Variants in DNAH11 observed in about 807,000 individuals in gnomAD.
DNAH11 encodes axonemal beta dynein heavy chain 11.
Under a neutral mutation model 526.0 loss-of-function variants are expected in DNAH11, and 442 were observed. That is an observed-to-expected ratio of 0.84 (90% confidence interval 0.78 to 0.91). The LOEUF is 0.91. Among genes scored for constraint, DNAH11 ranks in the 40% least tolerant of loss-of-function variants. DNAH11 has a pLI of 0.00. For missense variants in DNAH11, 6,989 were observed against 5,448.7 expected, an observed-to-expected ratio of 1.28 and a Z score of -8.90; for synonymous variants, 2,461 against 1,935.9, an observed-to-expected ratio of 1.27 and a Z score of -7.12.
At chr7:21,544,509 A>G (rs543675959) in intron 1 of DNAH11, among the ~76,000 whole-genome samples, 31 of 152,340 alleles carry the variant, frequency 2.0e-4, no homozygotes, top group African/African-American at 7.2e-4. Flanking sequence ...TTAAATAGTT[A>G]TTATAATGTT....
intron 67 of DNAH11, among the ~76,000 whole-genome samples, chr7:21,853,447 G>A (rs1437409341): frequency 1.3e-5 from 2 of 152,060 alleles, no homozygotes; most frequent in Admixed American, 6.5e-5. Flanking sequence ...AGATGGTAAA[G>A]TTAGAACAAT....
At chr7:21,782,417 C>G (rs1054043511) in intron 57 of DNAH11, among the ~76,000 whole-genome samples, 1 of 152,238 alleles carries the variant, frequency 6.6e-6, no homozygotes, top group Non-Finnish European at 1.5e-5. Flanking sequence ...AGAATTTTCA[C>G]TCTTCTAGTA....
intron 30 of DNAH11, among the ~76,000 whole-genome samples, chr7:21,675,194 C>A (rs1439616714): frequency 1.3e-5 from 2 of 152,244 alleles, no homozygotes; most frequent in African/African-American, 2.4e-5. Flanking sequence ...ATTGTCCTAA[C>A]TGAGCTGGGC....
chr7:21,894,895 A>G lies in DNAH11; in HGVS notation c.12945A>G (p.Ala4315=), dbSNP rs1784453428. 1.9e-6 allele frequency: 3 copies of G among 1,613,844 alleles called. No homozygotes were observed. The highest frequency in any genetic ancestry group is 2.2e-5 in the South Asian group (2 of 91,076). The part of the protein sequence containing the change: ...QLDLSLKGEL[A]LSPAVEAQQF... ...TTTCTCCATGCAAGGGGGAATTGGC[A>G]TTATCTCCTGCTGTGGAAGCCCAGC... Residue 4315 remains alanine (A), a synonymous_variant, in exon 79 of 82, where the codon GCA becomes GCG. Coordinates refer to ENST00000409508, the MANE Select transcript of DNAH11 (RefSeq NM_001277115.2).
Position 21,590,974 on chromosome 7 carries a change from AC to A in DNAH11, c.2228del (p.Pro743GlnfsTer5). On this transcript the variant is annotated frameshift_variant, in exon 13 of 82. Transcript: ENST00000409508. LOFTEE classifies it high-confidence loss of function. ...YLLMLKKQDI[P>X]DSALAIFKKR... is the part of the protein sequence containing the mutation. ...TTTTGATGTTGAAGAAACAAGACATACCAGATTCAGCTTTAGCCATCTTCAA... is the reference window on the plus strand; with the variant it reads ...TTTTGATGTTGAAGAAACAAGACATACAGATTCAGCTTTAGCCATCTTCAA... The A allele has an allele frequency of 6.6e-7, 1 of 1,520,970 alleles. No homozygotes were observed. 94.2% of individuals were successfully genotyped at this position (1,520,970 alleles called of 1,614,324 possible). A position where few individuals can be genotyped will look rare whatever the true frequency, so the allele number is the denominator to read the frequency against.
chr7:21,678,742 G>A (rs1783012437), intron 30 of DNAH11, among the ~76,000 whole-genome samples: 1 of 152,004 alleles, frequency 6.6e-6, no homozygotes, highest in Admixed American at 6.6e-5. Flanking sequence ...TTGGAGTTTT[G>A]TAGTTTTCAG....
intron 55 of DNAH11, 137 bp downstream of exon 55, chr7:21,765,726 G>GT (rs1787155386): frequency 1.6e-6 from 2 of 1,225,466 alleles, no homozygotes; most frequent in Non-Finnish European, 2.2e-6. Context: ...ATCCTGATTT[G>GT]TTTAAGATGC....
chr7:21,606,081 T>C (rs968770130), intron 18 of DNAH11, among the ~76,000 whole-genome samples: 9 of 152,184 alleles, frequency 5.9e-5, no homozygotes, highest in African/African-American at 2.2e-4. Flanking sequence ...CCCAGCACTT[T>C]GGGAGCCAGA....
In DNAH11 at chr7:21,606,502, C is replaced by T. The variant is rs185890143; in HGVS notation, c.3725C>T (p.Ala1242Val). 1.4e-5 allele frequency: 23 copies of T among 1,610,810 alleles called. No homozygotes were observed. The highest frequency in any genetic ancestry group is 1.3e-4 in the South Asian group (12 of 89,618). ...VRHEVSPLHN[A>V]EVTLIRKKCI... ...CATGAAGTCTCACCTCTCCATAATG[C>T]GGAAGTCACTCTTATAAGGAAAAAA... is the stretch of plus-strand genomic sequence containing the variant. The change falls in exon 19 of 82, where the codon GCG becomes GTG. Residue 1242 changes from alanine to valine, a missense_variant. Coordinates refer to ENST00000409508, the MANE Select transcript of DNAH11 (RefSeq NM_001277115.2).
At chr7:21,637,585 C>T (rs574513683) in intron 26 of DNAH11, 26 bp from the exon 27 acceptor site, 99 of 1,390,104 alleles carry the variant, frequency 7.1e-5, no homozygotes, top group Admixed American at 5.2e-4. Flanking sequence ...CTAATATCCA[C>T]GGCCCCGTAT....
intron 14 of DNAH11, among the ~76,000 whole-genome samples, chr7:21,593,936 C>T (rs1421623182): frequency 6.6e-6 from 1 of 151,782 alleles, no homozygotes; most frequent in African/African-American, 2.4e-5. Context: ...CACACACTCT[C>T]TTTCACACAC....
At chr7:21,853,292 A>C (rs1334600048) in intron 67 of DNAH11, among the ~76,000 whole-genome samples, 3 of 152,192 alleles carry the variant, frequency 2.0e-5, no homozygotes, top group Non-Finnish European at 4.4e-5. Context: ...TGCTTTCTGG[A>C]ATATCCTTAT....
chr7:21,663,061 T>C (rs899464604), intron 30 of DNAH11, among the ~76,000 whole-genome samples: 18 of 152,104 alleles, frequency 1.2e-4, no homozygotes, highest in Admixed American at 3.9e-4. Context: ...CTCCCACTTA[T>C]AGGTGAGAAC....
Position 21,842,568 on chromosome 7 carries a change from A to G in DNAH11, c.10716A>G (p.Glu3572=). The change falls in exon 66 of 82, where the codon GAA becomes GAG. Residue 3572 remains glutamate (E), a synonymous_variant. Transcript: ENST00000409508. The part of the protein sequence containing the change: ...KGKYIRIGDK[E]CEFNKNFRLI... ...GGTATATCAGGATTGGAGATAAAGA[A>G]TGTGAATTTAACAAGAACTTTCGCC... is the stretch of plus-strand genomic sequence containing the variant. 1 of 1,613,952 alleles carries G rather than the reference A, an allele frequency of 6.2e-7. No individual in the cohort carries two copies. The highest frequency in any genetic ancestry group is 8.5e-7 in the Non-Finnish European group (1 of 1,179,860).
chr7:21,666,810 T>C (rs1782438685), intron 30 of DNAH11, among the ~76,000 whole-genome samples: 1 of 151,934 alleles, frequency 6.6e-6, no homozygotes, highest in African/African-American at 2.4e-5. Context: ...TTATACTTTA[T>C]AATCTAGCAG....
At chr7:21,860,795 A>G (rs1783033169) in intron 68 of DNAH11, among the ~76,000 whole-genome samples, 1 of 152,192 alleles carries the variant, frequency 6.6e-6, no homozygotes, top group Non-Finnish European at 1.5e-5. Context: ...AAAGAGGTTT[A>G]GTGGAGTCAC....
intron 65 of DNAH11, among the ~76,000 whole-genome samples, chr7:21,828,310 G>T (rs547951458): frequency 6.6e-6 from 1 of 152,102 alleles, no homozygotes; most frequent in East Asian, 1.9e-4. Context: ...TCCTTTGCTG[G>T]TAAGAATAGA....
intron 81 of DNAH11, 191 bp from the exon 82 acceptor site, chr7:21,900,816 G>T (rs148132054): frequency 1.7e-5 from 13 of 784,178 alleles, no homozygotes; most frequent in Admixed American, 3.2e-5. Flanking sequence ...GAAGCAAAGC[G>T]GTGCCTCCGC....
intron 54 of DNAH11, 73 bp from the exon 55 acceptor site, chr7:21,765,355 G>A: frequency 1.2e-6 from 2 of 1,601,350 alleles, no homozygotes; most frequent in Non-Finnish European, 1.7e-6. Flanking sequence ...TTCTCTCATT[G>A]TCTAAGATTG....
Sources: gnomAD v4.1 joint callset for allele counts (sites outside exome capture counted in the v4.1 genomes callset) on GRCh38, gnomAD v4.1.1 for gene constraint, MANE v1.5 for transcripts, NCBI Gene and HGNC (gene_info 2026-07-23, HGNC 2026-07-21) for gene names.